The following SHISAL2B variants were observed in gnomAD, a reference collection of about 807,000 sequenced individuals.
The protein encoded by SHISAL2B is shisa like 2B.
SHISAL2B carries 12 observed loss-of-function variants against 16.5 expected under a neutral mutation model. That is an observed-to-expected ratio of 0.73 (90% confidence interval 0.47 to 1.18). The LOEUF is 1.18. Among genes scored for constraint, SHISAL2B ranks in the 50% most tolerant of loss-of-function variants. The pLI is 0.00. For missense variants in SHISAL2B, 183 were observed against 193.6 expected (o/e 0.95, Z 0.33); for synonymous variants, 72 against 75.0 (o/e 0.96, Z 0.21).
At chr5:64,693,305 C>G (rs969387347) in intron 1 of SHISAL2B, among the ~76,000 whole-genome samples, 4 of 152,148 alleles carry the variant, frequency 2.6e-5, no homozygotes, top group African/African-American at 9.7e-5. Context: ...CCGCGCCCAG[C>G]CATAAAGCAA....
intron 2 of SHISAL2B, among the ~76,000 whole-genome samples, chr5:64,703,829 G>T (rs914457668): frequency 6.6e-6 from 1 of 152,112 alleles, no homozygotes; most frequent in Non-Finnish European, 1.5e-5. Context: ...TAAATTTTTT[G>T]ACTGTGCTTA....
intron 2 of SHISAL2B, among the ~76,000 whole-genome samples, chr5:64,715,538 C>G (rs1742037714): frequency 6.6e-6 from 1 of 152,068 alleles, no homozygotes; most frequent in South Asian, 2.1e-4. Flanking sequence ...TTGGGGAAAA[C>G]AGGACTTGTG....
intron 2 of SHISAL2B, among the ~76,000 whole-genome samples, chr5:64,707,540 T>A (rs1364629387): frequency 6.6e-6 from 1 of 152,194 alleles, no homozygotes; most frequent in Non-Finnish European, 1.5e-5. Context: ...AAACAACCAG[T>A]TTCTCCAATT....
intron 2 of SHISAL2B, among the ~76,000 whole-genome samples, chr5:64,709,832 G>A (rs1313665420): frequency 6.6e-6 from 1 of 152,132 alleles, no homozygotes; most frequent in African/African-American, 2.4e-5. Flanking sequence ...CTGCATAAAT[G>A]TCTTCTTTTG....
chr5:64,700,602 G>A (rs1009316184), intron 2 of SHISAL2B, among the ~76,000 whole-genome samples: 5 of 152,064 alleles, frequency 3.3e-5, no homozygotes, highest in Non-Finnish European at 5.9e-5. Context: ...CAGTAAAGGT[G>A]AGGTTTCACC....
chr5:64,704,261 C>A (rs1243823654), intron 2 of SHISAL2B, among the ~76,000 whole-genome samples: 1 of 152,158 alleles, frequency 6.6e-6, no homozygotes, highest in Non-Finnish European at 1.5e-5. Flanking sequence ...AAATGGCAGG[C>A]AAGAGCAGCG....
intron 2 of SHISAL2B, among the ~76,000 whole-genome samples, chr5:64,715,588 A>G (rs1000728644): frequency 2.6e-5 from 4 of 152,186 alleles, no homozygotes; most frequent in African/African-American, 9.7e-5. Flanking sequence ...TAATGGGGTG[A>G]ACTGAGCCAG....
intron 2 of SHISAL2B, among the ~76,000 whole-genome samples, chr5:64,712,652 CATT>C (rs1741976133): frequency 6.6e-6 from 1 of 151,676 alleles, no homozygotes; most frequent in African/African-American, 2.4e-5. Flanking sequence ...TAAAGTCTCC[CATT>C]ATTAATGTGT....
rs1380861656 is a variant in SHISAL2B, at chr5:64,690,555, A to T, written c.-69A>T. ...GGGCAGAGGGGTCCGCGGGCTCTGGAGGTGCTGGACGGGTGCGATCCGAGA... is the reference window on the plus strand; with the variant it reads ...GGGCAGAGGGGTCCGCGGGCTCTGGTGGTGCTGGACGGGTGCGATCCGAGA... On this transcript the variant is annotated 5_prime_UTR_variant, in exon 1 of 3. Transcript: ENST00000389074. The T allele has an allele frequency of 2.3e-6, 3 of 1,286,404 alleles. No individual in the cohort carries two copies. The highest frequency in any genetic ancestry group is 6.3e-5 in the Admixed American group (2 of 31,692). The allele number at this position is 1,286,404 out of a possible 1,614,324, so 79.7% of individuals were successfully genotyped here.
intron 2 of SHISAL2B, among the ~76,000 whole-genome samples, chr5:64,696,563 C>T (rs995973349): frequency 1.3e-5 from 2 of 152,086 alleles, no homozygotes; most frequent in Non-Finnish European, 2.9e-5. Context: ...AATTAAGACC[C>T]TGGGAAAGGA....
At chr5:64,704,607 G>A (rs1741851358) in intron 2 of SHISAL2B, among the ~76,000 whole-genome samples, 1 of 151,988 alleles carries the variant, frequency 6.6e-6, no homozygotes, top group Non-Finnish European at 1.5e-5. Context: ...TCACTAATGA[G>A]AAAAATAAAT....
intron 1 of SHISAL2B, among the ~76,000 whole-genome samples, chr5:64,695,169 G>A (rs1002271245): frequency 4.0e-5 from 6 of 151,876 alleles, no homozygotes; most frequent in Admixed American, 3.9e-4. Flanking sequence ...GGAGGCTGAG[G>A]CACGAGAATC....
intron 2 of SHISAL2B, among the ~76,000 whole-genome samples, chr5:64,709,298 T>G (rs867704547): frequency 6.6e-6 from 1 of 151,376 alleles, no homozygotes; most frequent in Non-Finnish European, 1.5e-5. Flanking sequence ...TTTGGTTTTT[T>G]GTTCTTGCGA....
At chr5:64,706,378 C>T (rs774782673) in intron 2 of SHISAL2B, among the ~76,000 whole-genome samples, 1 of 152,210 alleles carries the variant, frequency 6.6e-6, no homozygotes, top group Non-Finnish European at 1.5e-5. Flanking sequence ...CTCAGCTGAG[C>T]CTCAGAGGGA....
intron 2 of SHISAL2B, among the ~76,000 whole-genome samples, chr5:64,711,308 G>A (rs1741954406): frequency 6.8e-6 from 1 of 147,880 alleles, no homozygotes; most frequent in African/African-American, 2.7e-5. Flanking sequence ...TGTGGTTTTT[G>A]TCTTTGGTTC....
intron 1 of SHISAL2B, chr5:64,694,182 C>T (rs1334214865): frequency 1.1e-5 from 5 of 439,850 alleles, no homozygotes; most frequent in East Asian, 7.1e-5. Context: ...TTTTCAATGA[C>T]GTATGTTCCA....
intron 1 of SHISAL2B, chr5:64,693,997 T>G (rs748022204): frequency 4.8e-5 from 21 of 441,184 alleles, no homozygotes; most frequent in Non-Finnish European, 9.0e-5. Flanking sequence ...AGCTTAGCTC[T>G]TCACTTTCAG....
chr5:64,693,025 T>G (rs546074136), intron 1 of SHISAL2B, among the ~76,000 whole-genome samples: 139 of 152,186 alleles, frequency 9.1e-4, no homozygotes, highest in Non-Finnish European at 1.6e-3. Context: ...TTTTTTTTTT[T>G]GAAACGGGGT....
intron 2 of SHISAL2B, among the ~76,000 whole-genome samples, chr5:64,714,355 G>T (rs796930390): frequency 6.2e-5 from 9 of 144,992 alleles, no homozygotes; most frequent in African/African-American, 2.5e-4. Context: ...GTTGCTCGGG[G>T]GTCAGGGGTC....
Sources: gnomAD v4.1 joint callset for allele counts (sites outside exome capture counted in the v4.1 genomes callset) on GRCh38, gnomAD v4.1.1 for gene constraint, MANE v1.5 for transcripts, NCBI Gene and HGNC (gene_info 2026-07-23, HGNC 2026-07-21) for gene names.